The following NLRP11 variants were observed in gnomAD, a reference collection of about 807,000 sequenced individuals.
The protein encoded by NLRP11 is NLR family pyrin domain containing 11.
NLRP11 carries 53 observed loss-of-function variants against 79.3 expected under a neutral mutation model. That is an observed-to-expected ratio of 0.67 (90% CI 0.54 to 0.84). The LOEUF (loss-of-function observed/expected upper bound fraction) is 0.84, where lower values mean the gene tolerates loss of function less well. NLRP11 is among the 40% of genes least tolerant of loss of function. NLRP11 has a pLI of 0.00. For synonymous variants in NLRP11, 518 were observed against 462.6 expected (o/e 1.12, Z -1.54); for missense variants, 1,264 against 1,255.0 (o/e 1.01, Z -0.11).
intron 1 of NLRP11, among the ~76,000 whole-genome samples, chr19:55,822,938 A>G (rs369929819): frequency 3.4e-3 from 519 of 152,082 alleles, no homozygotes; most frequent in Middle Eastern, 6.8e-3. Flanking sequence ...GCCTGCCTCT[A>G]TAGGCTCCAC....
In NLRP11 at chr19:55,809,165, C is replaced by G. The variant is rs1185005893; in HGVS notation, c.1445G>C (p.Arg482Thr). The G allele has an allele frequency of 6.2e-7, 1 of 1,613,800 alleles. No individual in the cohort carries two copies. The highest frequency in any genetic ancestry group is 8.5e-7 in the Non-Finnish European group (1 of 1,179,776). Residue 482 changes from arginine (R) to threonine (T), a missense_variant, in exon 3 of 10, where the codon AGA becomes ACA. Arg to Thr is a moderately conservative substitution (Grantham distance 71). Coordinates refer to ENST00000589093, the Ensembl canonical transcript of NLRP11. This position sits in a 1 kb window ranked among gnomAD's most constrained non-coding sequence, Gnocchi z 4.5. ...TTGATTAAAGTCAGAGTATTGTTCT[C>G]TCTTCTCTTTATACTCTCTGCTGCC...
exon 8 of NLRP11, chr19:55,789,251 T>C: frequency 6.2e-7 from 1 of 1,613,146 alleles, no homozygotes; most frequent in Non-Finnish European, 8.5e-7. Context: ...AACATGCAGT[T>C]GGGATGTCTC....
intron 1 of NLRP11, among the ~76,000 whole-genome samples, chr19:55,822,320 C>T (rs1451462386): frequency 6.6e-6 from 1 of 152,156 alleles, no homozygotes; most frequent in African/African-American, 2.4e-5. Context: ...TCTCTCTCAC[C>T]CTAAAATGAT....
At chr19:55,831,254 G>A (rs1170590811) in intron 1 of NLRP11, among the ~76,000 whole-genome samples, 2 of 151,182 alleles carry the variant, frequency 1.3e-5, no homozygotes, top group East Asian at 2.0e-4. Flanking sequence ...ACAACTGACG[G>A]GCATTAACAT....
At chr19:55,792,849 GAAT>G (rs1568627915) in intron 6 of NLRP11, among the ~76,000 whole-genome samples, 2 of 152,154 alleles carry the variant, frequency 1.3e-5, no homozygotes, top group Non-Finnish European at 2.9e-5. Flanking sequence ...ATTTATAAGT[GAAT>G]ACAGGAACTG....
chr19:55,825,120 A>G (rs201541706), intron 1 of NLRP11, among the ~76,000 whole-genome samples: 1 of 9,692 alleles, frequency 1.0e-4, no homozygotes. Context: ...ACTCAAAGCC[A>G]CTCAACTACA....
intron 1 of NLRP11, among the ~76,000 whole-genome samples, chr19:55,820,091 G>T (rs539743646): frequency 6.6e-6 from 1 of 152,248 alleles, no homozygotes; most frequent in East Asian, 1.9e-4. Flanking sequence ...AACAAGGTAA[G>T]AACTATGACA....
intron 9 of NLRP11, among the ~76,000 whole-genome samples, chr19:55,787,574 T>G (rs1487173453): frequency 1.3e-5 from 2 of 152,192 alleles, no homozygotes; most frequent in Non-Finnish European, 2.9e-5. Flanking sequence ...CGACCTCAAG[T>G]GATCCACCCG....
At position 55,817,897 on chromosome 19, in the gene NLRP11, C is replaced by CA. The variant is rs959456720; in HGVS notation, c.271+6dup. 2 of 1,598,190 alleles carry CA rather than the reference C, an allele frequency of 1.3e-6. No individual in the cohort carries two copies. The highest frequency in any genetic ancestry group is 1.7e-6 in the Non-Finnish European group (2 of 1,169,104). On this transcript the variant is annotated splice_region_variant and intron_variant, in intron 2 of 9. Coordinates refer to ENST00000589093, the Ensembl canonical transcript of NLRP11. ...TTTCTGCCCACCCTTCTCGTGACCCCACTCACGGTTTCGTCTGCCAATGAT... is the reference window on the plus strand; with the variant it reads ...TTTCTGCCCACCCTTCTCGTGACCCCAACTCACGGTTTCGTCTGCCAATGAT...
At chr19:55,787,790 A>C (rs1404621400) in intron 9 of NLRP11, among the ~76,000 whole-genome samples, 1 of 152,310 alleles carries the variant, frequency 6.6e-6, no homozygotes, top group South Asian at 2.1e-4. Context: ...AAGTCTTTTC[A>C]GTGTTTCTTG....
At chr19:55,828,612 G>A (rs1024945167) in intron 1 of NLRP11, among the ~76,000 whole-genome samples, 5 of 152,102 alleles carry the variant, frequency 3.3e-5, no homozygotes, top group African/African-American at 4.8e-5. Flanking sequence ...ACACTGATAC[G>A]AAATATGCAT....
At chr19:55,822,846 G>T (rs4399643) in intron 1 of NLRP11, among the ~76,000 whole-genome samples, 1 of 152,096 alleles carries the variant, frequency 6.6e-6, no homozygotes, top group Non-Finnish European at 1.5e-5. Flanking sequence ...AGGGGCGCCC[G>T]CCATTGCCCA....
At chr19:55,831,045 C>CA (rs1200066476) in intron 1 of NLRP11, among the ~76,000 whole-genome samples, 3 of 151,622 alleles carry the variant, frequency 2.0e-5, no homozygotes, top group East Asian at 3.9e-4. Context: ...ATTCAGCACT[C>CA]AAAGTTAAGA....
chr19:55,810,926 A>G (rs1230595764), intron 2 of NLRP11, among the ~76,000 whole-genome samples: 5 of 152,106 alleles, frequency 3.3e-5, no homozygotes, highest in Non-Finnish European at 5.9e-5. Context: ...TCAAGAACAT[A>G]TTTCTTTCCT....
chr19:55,792,159 C>T (rs995331442), intron 7 of NLRP11, 142 bp downstream of exon 7: 8 of 680,690 alleles, frequency 1.2e-5, no homozygotes, highest in East Asian at 2.5e-5. Flanking sequence ...GCTTTCATGT[C>T]GCCTATTCTG....
intron 1 of NLRP11, among the ~76,000 whole-genome samples, chr19:55,828,690 C>G (rs1210866690): frequency 6.6e-6 from 1 of 152,160 alleles, no homozygotes; most frequent in Non-Finnish European, 1.5e-5. Context: ...CATCACTATA[C>G]AAACAAAATT....
At chr19:55,819,599 C>A (rs912690754) in intron 1 of NLRP11, among the ~76,000 whole-genome samples, 1 of 152,160 alleles carries the variant, frequency 6.6e-6, no homozygotes, top group African/African-American at 2.4e-5. Context: ...GATTGGCTAA[C>A]ATCTCCATGG....
Position 55,789,396 on chromosome 19 carries a change from C to T in NLRP11, c.2517G>A (p.Leu839=), listed in dbSNP as rs1226177378. ...TATCGCTGCTAAAGAAACAGCCAGA[C>T]AGACTGCAAAACAGAAACATGAGCT... is the stretch of plus-strand genomic sequence containing the variant. Residue 839 remains leucine, a synonymous_variant, in exon 8 of 10, where the codon CTG becomes CTA. Coordinates refer to ENST00000589093, the Ensembl canonical transcript of NLRP11. 3.1e-6 allele frequency: 5 copies of T among 1,610,780 alleles called. No homozygotes were observed. The African/African-American group carries it at 6.7e-5, about 22-fold the overall frequency.
intron 2 of NLRP11, among the ~76,000 whole-genome samples, chr19:55,810,795 G>T (rs143028968): frequency 1.3e-5 from 2 of 152,196 alleles, no homozygotes; most frequent in African/African-American, 4.8e-5. Context: ...ACTGCGCCCG[G>T]CCCATATTGC....
Sources: gnomAD v4.1 joint callset for allele counts (sites outside exome capture counted in the v4.1 genomes callset) on GRCh38, gnomAD v4.1.1 for gene constraint, Gnocchi (gnomAD v3.1) non-coding constraint, MANE v1.5 for transcripts, NCBI Gene and HGNC (gene_info 2026-07-23, HGNC 2026-07-21) for gene names.